TECPR2: variants seen among roughly 807,000 people sequenced by gnomAD.
TECPR2 encodes tectonin beta-propeller repeat containing 2.
A neutral mutation model predicts 138.1 loss-of-function variants in TECPR2; 65 were observed. The ratio of observed to expected loss-of-function variants is 0.47; its 90% CI spans 0.39 to 0.58. TECPR2 has a LOEUF of 0.58. TECPR2 is among the 20% of genes least tolerant of loss of function. The pLI is 0.00. For missense variants in TECPR2, 1,553 were observed against 1,824.5 expected (o/e 0.85, Z 2.71); for synonymous variants, 746 against 749.8 (o/e 0.99, Z 0.08).
chr14:102,480,211 GTT>G (rs781152101), intron 17 of TECPR2, among the ~76,000 whole-genome samples: 1 of 71,372 alleles, frequency 1.4e-5, no homozygotes. Context: ...ATCTTGGTTG[GTT>G]TTTTTTTTTT....
chr14:102,465,767 C>A, intron 17 of TECPR2: 1 of 519,026 alleles, frequency 1.9e-6, no homozygotes, highest in Non-Finnish European at 2.5e-6. Flanking sequence ...TGCCATGTTT[C>A]AGCTGACCGT....
chr14:102,413,860 G>A (rs556588397), intron 4 of TECPR2, among the ~76,000 whole-genome samples: 15 of 151,970 alleles, frequency 9.9e-5, no homozygotes, highest in African/African-American at 3.4e-4. Flanking sequence ...GTGCAGTGGT[G>A]TGATCACAAC....
Position 102,434,526 on chromosome 14 carries a change from T to A in TECPR2, c.1709T>A (p.Met570Lys). ...LAEEDDIRTE[M>K]PHCHHAHGRE... is the part of the protein sequence containing the mutation. ...GAGGAAGATGACATTAGAACTGAAATGCCACACTGTCACCATGCACATGGG... is the reference window on the plus strand; with the variant it reads ...GAGGAAGATGACATTAGAACTGAAAAGCCACACTGTCACCATGCACATGGG... Residue 570 changes from methionine to lysine, a missense_variant, in exon 9 of 20, where the codon ATG becomes AAG. By Grantham distance (95) the Met-to-Lys change is moderately conservative. Coordinates refer to ENST00000359520, the MANE Select transcript of TECPR2 (RefSeq NM_014844.5). 1 of 1,557,146 alleles carries A rather than the reference T, an allele frequency of 6.4e-7. No homozygotes were observed. Among genetic ancestry groups the A allele is most frequent in the Non-Finnish European group, 8.7e-7 (1 of 1,150,510 alleles).
intron 6 of TECPR2, among the ~76,000 whole-genome samples, chr14:102,427,285 A>C (rs1406676790): frequency 6.6e-6 from 1 of 152,184 alleles, no homozygotes; most frequent in Non-Finnish European, 1.5e-5. Context: ...GTAACTGTGC[A>C]TTGGTTCTTT....
chr14:102,405,229 A>G (rs1221789482), intron 2 of TECPR2, among the ~76,000 whole-genome samples: 1 of 152,148 alleles, frequency 6.6e-6, no homozygotes, highest in African/African-American at 2.4e-5. Flanking sequence ...GAATCACTTG[A>G]ACCCGGGAGG....
chr14:102,444,494 C>G (rs1485322275), intron 12 of TECPR2, among the ~76,000 whole-genome samples: 1 of 152,154 alleles, frequency 6.6e-6, no homozygotes, highest in Non-Finnish European at 1.5e-5. Flanking sequence ...GCCACTATGC[C>G]TGGCCCGATC....
At chr14:102,430,965 T>C (rs1196188484) in intron 7 of TECPR2, among the ~76,000 whole-genome samples, 1 of 152,144 alleles carries the variant, frequency 6.6e-6, no homozygotes. Context: ...CAGGCATCTC[T>C]CATTTGTAAA....
At chr14:102,476,644 G>A (rs1304045571) in intron 17 of TECPR2, among the ~76,000 whole-genome samples, 1 of 152,138 alleles carries the variant, frequency 6.6e-6, no homozygotes, top group East Asian at 1.9e-4. Context: ...TAAGAGGGAA[G>A]AAGGGTGACA....
At chr14:102,453,512 G>A (rs983946522) in intron 16 of TECPR2, among the ~76,000 whole-genome samples, 1 of 151,628 alleles carries the variant, frequency 6.6e-6, no homozygotes, top group Non-Finnish European at 1.5e-5. Flanking sequence ...AGAAAGAAAT[G>A]TAGTGCTGCT....
intron 16 of TECPR2, among the ~76,000 whole-genome samples, chr14:102,458,696 T>C (rs1213876418): frequency 6.6e-6 from 1 of 152,116 alleles, no homozygotes; most frequent in Non-Finnish European, 1.5e-5. Context: ...TCCTGGGGCC[T>C]AGCATTCCTT....
intron 17 of TECPR2, among the ~76,000 whole-genome samples, chr14:102,466,049 T>C (rs1444991354): frequency 6.6e-6 from 1 of 152,106 alleles, no homozygotes; most frequent in Non-Finnish European, 1.5e-5. Flanking sequence ...GGATGGTTCG[T>C]TGTTGGGCAG....
rs371907333 is a variant in TECPR2, at chr14:102,497,072, G to A, written c.3883G>A (p.Gly1295Arg). 1.9e-5 allele frequency: 30 copies of A among 1,613,340 alleles called. No homozygotes were observed. The highest frequency in any genetic ancestry group is 2.4e-5 in the Non-Finnish European group (28 of 1,180,026). The part of the protein sequence containing the change: ...DSRWNVHVRT[G>R]ITEEMPVGTA... ...CAGGTGGAACGTGCACGTGCGGACCGGGATCACCGAGGAGATGCCTGTGGG... is the reference window on the plus strand; with the variant it reads ...CAGGTGGAACGTGCACGTGCGGACCAGGATCACCGAGGAGATGCCTGTGGG... Residue 1295 changes from glycine (G) to arginine (R), a missense_variant, in exon 18 of 20, where the codon GGG becomes AGG. Transcript: ENST00000359520.
chr14:102,439,510 ATTTCTCGTTGGTATCATTTAC>A (rs1200374307), intron 10 of TECPR2, among the ~76,000 whole-genome samples: 1 of 151,434 alleles, frequency 6.6e-6, no homozygotes, highest in African/African-American at 2.4e-5. Context: ...GTTTTAATTC[ATTTCTCGTTGGTATCATTTAC>A]CTTCAGGTTT....
intron 4 of TECPR2, among the ~76,000 whole-genome samples, chr14:102,408,867 A>G (rs1171906704): frequency 1.3e-5 from 2 of 152,220 alleles, no homozygotes; most frequent in Non-Finnish European, 2.9e-5. Context: ...TACTTGAAAA[A>G]GAAGCTATTA....
At chr14:102,397,540 A>AG (rs1462753144) in intron 2 of TECPR2, among the ~76,000 whole-genome samples, 1 of 152,174 alleles carries the variant, frequency 6.6e-6, no homozygotes, top group Non-Finnish European at 1.5e-5. Context: ...TGAGGTCAGG[A>AG]GTTTGAGACC....
At chr14:102,395,378 C>T (rs1386322351) in intron 2 of TECPR2, among the ~76,000 whole-genome samples, 1 of 152,134 alleles carries the variant, frequency 6.6e-6, no homozygotes, top group Non-Finnish European at 1.5e-5. Flanking sequence ...AAGATGTCGC[C>T]ATATATCTTA....
At chr14:102,470,915 T>A (rs150880664) in intron 17 of TECPR2, among the ~76,000 whole-genome samples, 4 of 150,348 alleles carry the variant, frequency 2.7e-5, no homozygotes, top group Non-Finnish European at 5.9e-5. Flanking sequence ...GCCTCCTGGG[T>A]TCAAGCAGTT....
rs757219448 is a variant in TECPR2, at chr14:102,415,595, G to T, written c.638+802G>T. Among the ~76,000 whole-genome samples the T allele has an allele frequency of 3.3e-5, 5 of 152,144 alleles. No homozygotes were observed. The highest frequency in any genetic ancestry group is 2.6e-4 in the Admixed American group (4 of 15,278). The stretch of plus-strand genomic sequence containing the variant: ...GTGAGGAGGGGTAGGTAGAGCAGTG[G>T]AGCTGACCCCTCCTATGCCAAGGAG... On this transcript the variant is annotated intron_variant, in intron 5 of 19. Transcript: ENST00000359520. This position sits in a 1 kb window ranked among gnomAD's most constrained non-coding sequence, Gnocchi z 4.3.
Position 102,449,678 on chromosome 14 carries a change from C to T in TECPR2, c.3125C>T (p.Thr1042Met), listed in dbSNP as rs766200104. The T allele has an allele frequency of 1.9e-6, 3 of 1,614,140 alleles. No individual in the cohort carries two copies. Among genetic ancestry groups the T allele is most frequent in the Non-Finnish European group, 2.5e-6 (3 of 1,180,044 alleles). ...VVFDQCSLFQ[T>M]IIHATHSVAT... ...TTTGACCAGTGCAGCTTATTTCAGA[C>T]GATAATCCATGCCACTCACTCGGTG... The change falls in exon 14 of 20, where the codon ACG becomes ATG. Residue 1042 changes from threonine to methionine, a missense_variant. Transcript: ENST00000359520.
Sources: gnomAD v4.1 joint callset for allele counts (sites outside exome capture counted in the v4.1 genomes callset) on GRCh38, gnomAD v4.1.1 for gene constraint, Gnocchi (gnomAD v3.1) non-coding constraint, MANE v1.5 for transcripts, NCBI Gene and HGNC (gene_info 2026-07-23, HGNC 2026-07-21) for gene names.